Variants in HES5 observed in about 807,000 individuals in gnomAD.
HES5 encodes transcription factor HES-5.
In HES5, 12 loss-of-function variants were observed where a neutral mutation model predicts 9.6. The observed-to-expected ratio is 1.25, with a 90% CI of 0.80 to 2.03. The LOEUF is 2.03. Ranked by LOEUF, HES5 falls within the 30% of genes most tolerant of loss-of-function variation. The pLI is 0.00. For missense variants in HES5, 255 were observed against 218.6 expected (o/e 1.17, Z -1.05); for synonymous variants, 131 against 102.4 (o/e 1.28, Z -1.69).
Position 2,529,397 on chromosome 1 carries a change from C to T in HES5, c.*72G>A, listed in dbSNP as rs937668178. The T allele has an allele frequency of 1.7e-5, 18 of 1,045,748 alleles. No homozygotes were observed. The South Asian group carries it at 7.3e-4, about 43-fold the overall frequency. The allele number at this position is 1,045,748 out of a possible 1,614,324, so 64.8% of individuals were successfully genotyped here. ...CCCGGGGCGGACGACGGCGGGAAGG[C>T]GCTTCCCTACAGGCGAGAGGAGCAG... On this transcript the variant is annotated 3_prime_UTR_variant, in exon 3 of 3. Transcript: ENST00000378453. The surrounding 1 kb of genome is among the most constrained non-coding windows in gnomAD (Gnocchi z 4.5).
chr1:2,529,921 G>A lies in HES5; in HGVS notation c.145C>T (p.Arg49Trp), dbSNP rs765901251. ...LKLLLEQEFARHQPNSKLEKA... is the reference protein window; with the variant it reads ...LKLLLEQEFAWHQPNSKLEKA... ...TCCAGCTTGGAGTTGGGCTGGTGCC[G>A]CGCGAACTCCTGCTCCAGCAGCAGC... The change falls in exon 2 of 3, where the codon CGG (arginine) becomes TGG (tryptophan). Residue 49 changes from arginine to tryptophan, a missense_variant. By Grantham distance (101) the Arg-to-Trp change is moderately radical. Transcript: ENST00000378453. This position sits in a 1 kb window ranked among gnomAD's most constrained non-coding sequence, Gnocchi z 4.5. 1.2e-6 allele frequency: 2 copies of A among 1,607,042 alleles called. No homozygotes were observed. Among genetic ancestry groups the A allele is most frequent in the Non-Finnish European group, 1.7e-6 (2 of 1,177,272 alleles).
In HES5 at chr1:2,530,178, C is replaced by CAGGCGACG; in HGVS notation, c.-22_-15dup. The CAGGCGACG allele has an allele frequency of 6.7e-7, 1 of 1,489,806 alleles. No individual in the cohort carries two copies. The highest frequency in any genetic ancestry group is 9.0e-7 in the Non-Finnish European group (1 of 1,116,336). 92.3% of individuals were successfully genotyped at this position (1,489,806 alleles called of 1,614,324 possible). A position where few individuals can be genotyped will look rare whatever the true frequency, so the allele number is the denominator to read the frequency against. ...GCTGGGGGCCATGCCTGGCGCGGAA[C>CAGGCGACG]AGGCGACGAGGCGACGCGGGGAGGC... On this transcript the variant is annotated 5_prime_UTR_variant, in exon 1 of 3. Transcript: ENST00000378453.
rs778489792 is a variant in HES5, at chr1:2,529,928, C to G, written c.138G>C (p.Glu46Asp). 122 of 1,607,838 alleles carry G rather than the reference C, an allele frequency of 7.6e-5. No homozygotes were observed. The highest frequency in any genetic ancestry group is 9.9e-5 in the Non-Finnish European group (117 of 1,177,740). Residue 46 changes from glutamate (E) to aspartate (D), a missense_variant, in exon 2 of 3, where the codon GAG becomes GAC. Physicochemically the swap from Glu to Asp is conservative, Grantham distance 45. Coordinates refer to ENST00000378453, the MANE Select transcript of HES5 (RefSeq NM_001010926.4). The surrounding 1 kb of genome is among the most constrained non-coding windows in gnomAD (Gnocchi z 4.5). ...IEQLKLLLEQ[E>D]FARHQPNSKL... The stretch of plus-strand genomic sequence containing the variant: ...TGGAGTTGGGCTGGTGCCGCGCGAA[C>G]TCCTGCTCCAGCAGCAGCTTCAGCT...
In HES5 at chr1:2,529,718, C is replaced by A; in HGVS notation, c.252G>T (p.Leu84=). 1 of 1,266,868 alleles carries A rather than the reference C, an allele frequency of 7.9e-7. No homozygotes were observed. The highest frequency in any genetic ancestry group is 2.6e-5 in the South Asian group (1 of 38,388). 78.5% of individuals were successfully genotyped at this position (1,266,868 alleles called of 1,614,324 possible). The stretch of plus-strand genomic sequence containing the variant: ...AGTAGCCTTCGCTGTAGTCCTGGTG[C>A]AGGCTCTTGGGGCCGGCGGCGGCGA... The part of the protein sequence containing the change: ...AFVAAAGPKS[L]HQDYSEGYSW... The change falls in exon 3 of 3, where the codon CTG becomes CTT. Residue 84 remains leucine (L), a synonymous_variant. Transcript: ENST00000378453. The surrounding 1 kb of genome is among the most constrained non-coding windows in gnomAD (Gnocchi z 4.5).
rs1447816061 is a variant in HES5 at position 2,529,855 on chromosome 1, G to T, written c.211C>A (p.His71Asn). ...GCCCGGGCGCGCTCACCTTTGCTGT[G>T]CTTCAGGTAGCTGACAGCCATCTCC... ...ILEMAVSYLK[H>N]SKAFVAAAGP... The change falls in exon 2 of 3, where the codon CAC (histidine) becomes AAC (asparagine). Residue 71 changes from histidine to asparagine, a missense_variant. Physicochemically the swap from His to Asn is moderately conservative, Grantham distance 68. Coordinates refer to ENST00000378453, the MANE Select transcript of HES5 (RefSeq NM_001010926.4). The surrounding 1 kb of genome is among the most constrained non-coding windows in gnomAD (Gnocchi z 4.5). 2 of 1,588,656 alleles carry T rather than the reference G, an allele frequency of 1.3e-6. No individual in the cohort carries two copies. The highest frequency in any genetic ancestry group is 1.4e-5 in the African/African-American group (1 of 73,882).
Position 2,529,784 on chromosome 1 carries a change from G to A in HES5, c.221-35C>T, listed in dbSNP as rs1207198840. ...GACGCGGCGGCGGTGAGCGGGCGGCGGGGCGCGGGGGAGCCGGGGCGCGGT... is the reference window on the plus strand; with the variant it reads ...GACGCGGCGGCGGTGAGCGGGCGGCAGGGCGCGGGGGAGCCGGGGCGCGGT... On this transcript the variant is annotated intron_variant, in intron 2 of 2. Transcript: ENST00000378453. This position sits in a 1 kb window ranked among gnomAD's most constrained non-coding sequence, Gnocchi z 4.5. The A allele has an allele frequency of 6.4e-6, 8 of 1,257,762 alleles. No individual in the cohort carries two copies. The African/African-American group carries it at 9.4e-5, about 15-fold the overall frequency. The allele number at this position is 1,257,762 out of a possible 1,614,324, so 77.9% of individuals were successfully genotyped here. A position where few individuals can be genotyped will look rare whatever the true frequency, so the allele number is the denominator to read the frequency against.
At position 2,530,092 on chromosome 1, in the gene HES5, G is replaced by A. The variant is rs758603782; in HGVS notation, c.54+19C>T. On this transcript the variant is annotated intron_variant, in intron 1 of 2. Coordinates refer to ENST00000378453, the MANE Select transcript of HES5 (RefSeq NM_001010926.4). Reference sequence around the variant, plus strand: ...CCGGAGGCCGCGGGGACAGCGCGCCGGGCGAGTCTGGTACTTACTCGGTTT... The same window carrying A: ...CCGGAGGCCGCGGGGACAGCGCGCCAGGCGAGTCTGGTACTTACTCGGTTT... The A allele has an allele frequency of 4.4e-6, 7 of 1,588,086 alleles. No homozygotes were observed. In the Admixed American group the frequency reaches 5.3e-5, roughly 12 times the overall value.
At position 2,529,948 on chromosome 1, in the gene HES5, T is replaced by G. The variant is rs769957671; in HGVS notation, c.118A>C (p.Lys40Gln). The G allele has an allele frequency of 3.7e-5, 60 of 1,609,166 alleles. No homozygotes were observed. The highest frequency in any genetic ancestry group is 5.0e-5 in the Non-Finnish European group (59 of 1,178,208). Reference sequence around the variant, plus strand: ...GCGAACTCCTGCTCCAGCAGCAGCTTCAGCTGCTCGATGCTGCTGTTGATG... The same window carrying G: ...GCGAACTCCTGCTCCAGCAGCAGCTGCAGCTGCTCGATGCTGCTGTTGATG... The part of the protein sequence containing the change: ...DRINSSIEQL[K>Q]LLLEQEFARH... The change falls in exon 2 of 3, where the codon AAG (lysine) becomes CAG (glutamine). Residue 40 changes from lysine (K) to glutamine (Q), a missense_variant. By Grantham distance (53) the Lys-to-Gln change is moderately conservative. Transcript: ENST00000378453. This position sits in a 1 kb window ranked among gnomAD's most constrained non-coding sequence, Gnocchi z 4.5.
At position 2,530,029 on chromosome 1, in the gene HES5, G is replaced by A. The variant is rs757241292; in HGVS notation, c.55-18C>T. On this transcript the variant is annotated intron_variant, in intron 1 of 2. Transcript: ENST00000378453. Reference sequence around the variant, plus strand: ...TTCCGCAGCTGCGGGAGGAGGGGGTGTCAGGCTGGCCCGGCACGGCGCAGG... The same window carrying A: ...TTCCGCAGCTGCGGGAGGAGGGGGTATCAGGCTGGCCCGGCACGGCGCAGG... 2 of 1,603,134 alleles carry A rather than the reference G, an allele frequency of 1.2e-6. No homozygotes were observed. The highest frequency in any genetic ancestry group is 1.1e-5 in the South Asian group (1 of 90,358).
rs888014494 is a variant in HES5 at position 2,530,255 on chromosome 1, G to GGCGCGGACACCGGCCCC, written c.-92_-91insGGGGCCGGTGTCCGCGC. 13 of 1,164,594 alleles carry GGCGCGGACACCGGCCCC rather than the reference G, an allele frequency of 1.1e-5. No homozygotes were observed. Among genetic ancestry groups the GGCGCGGACACCGGCCCC allele is most frequent in the Non-Finnish European group, 1.3e-5 (12 of 918,920 alleles). The allele number at this position is 1,164,594 out of a possible 1,614,324, so 72.1% of individuals were successfully genotyped here. A position where few individuals can be genotyped will look rare whatever the true frequency, so the allele number is the denominator to read the frequency against. On this transcript the variant is annotated 5_prime_UTR_variant, in exon 1 of 3. Transcript: ENST00000378453. ...GGCAAGGCCAAGCGCGTCCCGGGCT[G>GGCGCGGACACCGGCCCC]GCGCGGACACCGGCCCCGCGCGCCG... is the stretch of plus-strand genomic sequence containing the variant.
Position 2,529,659 on chromosome 1 carries a change from G to C in HES5, c.311C>G (p.Thr104Arg). The C allele has an allele frequency of 1.5e-6, 2 of 1,324,370 alleles. No homozygotes were observed. Among genetic ancestry groups the C allele is most frequent in the South Asian group, 1.9e-5 (1 of 51,420 alleles). The allele number at this position is 1,324,370 out of a possible 1,614,324, so 82.0% of individuals were successfully genotyped here. ...WCLQEAVQFLTLHAASDTQMK... is the reference protein window; with the variant it reads ...WCLQEAVQFLRLHAASDTQMK... ...CTGCGTGTCGCTGGCGGCGTGGAGC[G>C]TCAGGAACTGCACGGCCTCCTGCAG... Residue 104 changes from threonine (T) to arginine (R), a missense_variant, in exon 3 of 3, where the codon ACG becomes AGG. Coordinates refer to ENST00000378453, the MANE Select transcript of HES5 (RefSeq NM_001010926.4). This position sits in a 1 kb window ranked among gnomAD's most constrained non-coding sequence, Gnocchi z 4.5.
At position 2,530,199 on chromosome 1, in the gene HES5, G is replaced by A. The variant is rs1310887224; in HGVS notation, c.-35C>T. On this transcript the variant is annotated 5_prime_UTR_variant, in exon 1 of 3. Transcript: ENST00000378453. ...GGAACAGGCGACGAGGCGACGCGGG[G>A]AGGCCGGGCGAGACGAGGCGAGCGG... The A allele has an allele frequency of 2.8e-6, 4 of 1,450,152 alleles. No homozygotes were observed. The South Asian group carries it at 4.2e-5, about 15-fold the overall frequency. The allele number at this position is 1,450,152 out of a possible 1,614,324, so 89.8% of individuals were successfully genotyped here. A position where few individuals can be genotyped will look rare whatever the true frequency, so the allele number is the denominator to read the frequency against.
Position 2,529,653 on chromosome 1 carries a change from TG to T in HES5, c.316del (p.His106ThrfsTer8). On this transcript the variant is annotated frameshift_variant, in exon 3 of 3. Coordinates refer to ENST00000378453, the MANE Select transcript of HES5 (RefSeq NM_001010926.4). LOFTEE classifies it low-confidence loss of function (END_TRUNC). This position sits in a 1 kb window ranked among gnomAD's most constrained non-coding sequence, Gnocchi z 4.5. ...LQEAVQFLTL[H>X]AASDTQMKLL... is the part of the protein sequence containing the mutation. Reference sequence around the variant, plus strand: ...CTTCATCTGCGTGTCGCTGGCGGCGTGGAGCGTCAGGAACTGCACGGCCTCC... The same window carrying T: ...CTTCATCTGCGTGTCGCTGGCGGCGTGAGCGTCAGGAACTGCACGGCCTCC... 1 of 1,319,622 alleles carries T rather than the reference TG, an allele frequency of 7.6e-7. No homozygotes were observed. 81.7% of individuals were successfully genotyped at this position (1,319,622 alleles called of 1,614,324 possible).
Position 2,529,995 on chromosome 1 carries a change from A to C in HES5, c.71T>G (p.Val24Gly). 2 of 1,605,716 alleles carry C rather than the reference A, an allele frequency of 1.2e-6. No individual in the cohort carries two copies. Among genetic ancestry groups the C allele is most frequent in the Non-Finnish European group, 1.7e-6 (2 of 1,175,516 alleles). The change falls in exon 2 of 3, where the codon GTG (valine) becomes GGG (glycine). Residue 24 changes from valine to glycine, a missense_variant. Coordinates refer to ENST00000378453, the MANE Select transcript of HES5 (RefSeq NM_001010926.4). The surrounding 1 kb of genome is among the most constrained non-coding windows in gnomAD (Gnocchi z 4.5). ...GATGCGGTCGCGGCGCATCTTCTCC[A>C]CCACCGGCTTCCGCAGCTGCGGGAG... ...KEKNRLRKPV[V>G]EKMRRDRINS... is the part of the protein sequence containing the mutation.
In HES5 at chr1:2,530,111, T is replaced by A. The variant is rs1344839047; in HGVS notation, c.54A>T (p.Arg18=). The A allele has an allele frequency of 6.4e-7, 1 of 1,572,986 alleles. No homozygotes were observed. The highest frequency in any genetic ancestry group is 1.8e-5 in the Admixed American group (1 of 54,176). Residue 18 remains arginine (R), a splice_region_variant and synonymous_variant, in exon 1 of 3, where the codon CGA becomes CGT. Coordinates refer to ENST00000378453, the MANE Select transcript of HES5 (RefSeq NM_001010926.4). ...VELLSPKEKN[R]LRKPVVEKMR... ...CGCGCCGGGCGAGTCTGGTACTTAC[T>A]CGGTTTTTCTCTTTGGGGCTGAGCA...
Position 2,529,568 on chromosome 1 carries a change from C to A in HES5, c.402G>T (p.Lys134Asn). Residue 134 changes from lysine (K) to asparagine (N), a missense_variant, in exon 3 of 3, where the codon AAG (lysine) becomes AAT (asparagine). Physicochemically the swap from Lys to Asn is moderately conservative, Grantham distance 94. Transcript: ENST00000378453. This position sits in a 1 kb window ranked among gnomAD's most constrained non-coding sequence, Gnocchi z 4.5. ...AAPAAPAKEP[K>N]APGAAPPPAL... is the part of the protein sequence containing the mutation. ...CGGGCGGGGGCGCGGCGCCCGGCGC[C>A]TTGGGCTCCTTGGCGGGCGCGGCGG... 1.8e-6 allele frequency: 2 copies of A among 1,128,372 alleles called. No individual in the cohort carries two copies. Among genetic ancestry groups the A allele is most frequent in the Non-Finnish European group, 2.2e-6 (2 of 915,830 alleles). The allele number at this position is 1,128,372 out of a possible 1,614,324, so 69.9% of individuals were successfully genotyped here.
rs773669311 is a variant in HES5, at chr1:2,529,998, A to G, written c.68T>C (p.Val23Ala). 3.1e-6 allele frequency: 5 copies of G among 1,604,004 alleles called. No homozygotes were observed. The African/African-American group carries it at 6.7e-5, about 22-fold the overall frequency. ...PKEKNRLRKP[V>A]VEKMRRDRIN... ...GCGGTCGCGGCGCATCTTCTCCACC[A>G]CCGGCTTCCGCAGCTGCGGGAGGAG... The change falls in exon 2 of 3, where the codon GTG becomes GCG. Residue 23 changes from valine to alanine, a missense_variant. By Grantham distance (64) the Val-to-Ala change is moderately conservative (BLOSUM62 0). Transcript: ENST00000378453. The surrounding 1 kb of genome is among the most constrained non-coding windows in gnomAD (Gnocchi z 4.5).
Position 2,529,611 on chromosome 1 carries a change from T to C in HES5, c.359A>G (p.Gln120Arg), listed in dbSNP as rs753102026. The C allele has an allele frequency of 8.1e-7, 1 of 1,238,766 alleles. No individual in the cohort carries two copies. Among genetic ancestry groups the C allele is most frequent in the South Asian group, 2.5e-5 (1 of 40,686 alleles). The allele number at this position is 1,238,766 out of a possible 1,614,324, so 76.7% of individuals were successfully genotyped here. A position where few individuals can be genotyped will look rare whatever the true frequency, so the allele number is the denominator to read the frequency against. The change falls in exon 3 of 3, where the codon CAG becomes CGG. Residue 120 changes from glutamine to arginine, a missense_variant. Physicochemically the swap from Gln to Arg is conservative, Grantham distance 43. Transcript: ENST00000378453. This position sits in a 1 kb window ranked among gnomAD's most constrained non-coding sequence, Gnocchi z 4.5. ...CGCGGCGGGCGCGGCCGGGGGCCGC[T>C]GGAAGTGGTACAGCAGCTTCATCTG... ...DTQMKLLYHFQRPPAAPAAPA... is the reference protein window; with the variant it reads ...DTQMKLLYHFRRPPAAPAAPA...
At position 2,529,974 on chromosome 1, in the gene HES5, C is replaced by T. The variant is rs866186692; in HGVS notation, c.92G>A (p.Arg31His). ...KPVVEKMRRD[R>H]INSSIEQLKL... ...CAGCTGCTCGATGCTGCTGTTGATG[C>T]GGTCGCGGCGCATCTTCTCCACCAC... Residue 31 changes from arginine to histidine, a missense_variant, in exon 2 of 3, where the codon CGC becomes CAC. Coordinates refer to ENST00000378453, the MANE Select transcript of HES5 (RefSeq NM_001010926.4). The surrounding 1 kb of genome is among the most constrained non-coding windows in gnomAD (Gnocchi z 4.5). 1 of 1,608,326 alleles carries T rather than the reference C, an allele frequency of 6.2e-7. No homozygotes were observed. The highest frequency in any genetic ancestry group is 8.5e-7 in the Non-Finnish European group (1 of 1,177,252).
Sources: allele counts gnomAD v4.1 joint callset, GRCh38; gene constraint gnomAD v4.1.1; non-coding constraint Gnocchi (gnomAD v3.1); transcripts MANE v1.5; gene names NCBI Gene and HGNC (gene_info 2026-07-23, HGNC 2026-07-21).